CRPPA: variants seen among roughly 807,000 people sequenced by gnomAD.
CRPPA encodes CDP-L-ribitol pyrophosphorylase A, also known as D-ribitol-5-phosphate cytidylyltransferase.
A neutral mutation model predicts 52.0 loss-of-function variants in CRPPA; 43 were observed. The observed-to-expected ratio is 0.83, with a 90% CI of 0.65 to 1.07. The LOEUF is 1.07. Among genes scored for constraint, CRPPA ranks in the 50% least tolerant of loss-of-function variants. The pLI is 0.00. For synonymous variants in CRPPA, 250 were observed against 203.5 expected, an observed-to-expected ratio of 1.23 and a Z score of -1.94; for missense variants, 629 against 551.7, an observed-to-expected ratio of 1.14 and a Z score of -1.40.
chr7:16,398,971 C>G (rs1486645009), intron 2 of CRPPA, among the ~76,000 whole-genome samples: 1 of 152,222 alleles, frequency 6.6e-6, no homozygotes, highest in Non-Finnish European at 1.5e-5. Context: ...TGACACCTGA[C>G]CAGCCCATGG....
intron 2 of CRPPA, among the ~76,000 whole-genome samples, chr7:16,392,986 A>G (rs1235321376): frequency 6.6e-6 from 1 of 152,184 alleles, no homozygotes; most frequent in Admixed American, 6.6e-5. Context: ...ATAAAGAAAC[A>G]ATCTTGTTTT....
chr7:16,156,320 G>A (rs901476463), intron 9 of CRPPA, among the ~76,000 whole-genome samples: 8 of 152,148 alleles, frequency 5.3e-5, no homozygotes, highest in Non-Finnish European at 8.8e-5. Context: ...CTACTTTGCA[G>A]TCAATTTTTG....
intron 6 of CRPPA, chr7:16,269,986 C>A (rs762615288): frequency 6.6e-6 from 1 of 152,126 alleles, no homozygotes; most frequent in East Asian, 1.9e-4. Flanking sequence ...TAGTATACAA[C>A]ATTCTTCAAA....
chr7:16,224,125 T>C (rs1782590407), intron 8 of CRPPA, among the ~76,000 whole-genome samples: 1 of 152,200 alleles, frequency 6.6e-6, no homozygotes, highest in East Asian at 1.9e-4. Context: ...CATGGCTTTG[T>C]GGGTGGGCGA....
intron 9 of CRPPA, among the ~76,000 whole-genome samples, chr7:16,208,663 C>T (rs946964115): frequency 6.6e-6 from 1 of 152,116 alleles, no homozygotes; most frequent in Non-Finnish European, 1.5e-5. Context: ...AGAAGGCTAT[C>T]TTTGGCTAAT....
chr7:16,389,913 C>CAAAAAAAAAAAAAAAAAAAAAAA lies in CRPPA; in HGVS notation c.535-13673_535-13672insTTTTTTTTTTTTTTTTTTTTTTT, dbSNP rs1163092089. Reference sequence around the variant, plus strand: ...GGATACAGAGAACAAGCCTAGTATACAAAAAAAAAAAAAAAATATATATAT... The same window carrying CAAAAAAAAAAAAAAAAAAAAAAA: ...GGATACAGAGAACAAGCCTAGTATACAAAAAAAAAAAAAAAAAAAAAAAAAAAAAAAAAAAAAAATATATATAT... On this transcript the variant is annotated intron_variant, in intron 2 of 9. Transcript: ENST00000407010. Among the ~76,000 whole-genome samples, 9 of 34,306 alleles carry CAAAAAAAAAAAAAAAAAAAAAAA rather than the reference C, an allele frequency of 2.6e-4. 1 individual carries two copies. The highest frequency in any genetic ancestry group is 4.9e-4 in the Admixed American group (1 of 2,046). 22.5% of individuals were successfully genotyped at this position (34,306 alleles called of 152,430 possible).
intron 9 of CRPPA, among the ~76,000 whole-genome samples, chr7:16,093,600 A>G (rs1220595043): frequency 6.6e-6 from 1 of 152,156 alleles, no homozygotes; most frequent in African/African-American, 2.4e-5. Context: ...TTTATACGAC[A>G]TTTTAAAATT....
At chr7:16,167,669 C>G (rs1322444260) in intron 9 of CRPPA, among the ~76,000 whole-genome samples, 3 of 152,166 alleles carry the variant, frequency 2.0e-5, no homozygotes, top group Non-Finnish European at 4.4e-5. Context: ...GCCACTGACA[C>G]CTTGGAAAAA....
chr7:16,143,426 T>G (rs1489025914), intron 9 of CRPPA, among the ~76,000 whole-genome samples: 1 of 152,166 alleles, frequency 6.6e-6, no homozygotes, highest in Non-Finnish European at 1.5e-5. Flanking sequence ...AGAGATGTAT[T>G]TAAGCCAAGG....
At chr7:16,138,862 C>T (rs1434053374) in intron 9 of CRPPA, among the ~76,000 whole-genome samples, 2 of 152,140 alleles carry the variant, frequency 1.3e-5, no homozygotes, top group Non-Finnish European at 2.9e-5. Flanking sequence ...AGTGCAATGG[C>T]ACGATCTCGG....
intron 3 of CRPPA, among the ~76,000 whole-genome samples, chr7:16,351,540 C>T (rs992139333): frequency 2.6e-5 from 4 of 151,870 alleles, no homozygotes; most frequent in Admixed American, 6.6e-5. Context: ...CCAGAATATA[C>T]AAGGAACTTA....
rs1458702418 is a variant in CRPPA, at chr7:16,381,864, T to C, written c.535-5623A>G. Among the ~76,000 whole-genome samples, 137 of 152,174 alleles carry C rather than the reference T, an allele frequency of 9.0e-4. 1 individual carries two copies. Among genetic ancestry groups the C allele is most frequent in the African/African-American group, 3.3e-3 (135 of 41,434 alleles). The stretch of plus-strand genomic sequence containing the variant: ...GCTTGGTAAATCTTTCTCCATCCTT[T>C]TATTTTGAGCCTATGTGTGTCTCTG... On this transcript the variant is annotated intron_variant, in intron 2 of 9. Transcript: ENST00000407010.
At chr7:16,320,939 G>C (rs575961603) in intron 3 of CRPPA, among the ~76,000 whole-genome samples, 11 of 152,214 alleles carry the variant, frequency 7.2e-5, no homozygotes, top group Non-Finnish European at 1.3e-4. Flanking sequence ...TCCAGAAACA[G>C]TATGAATGAT....
At chr7:16,205,345 A>G (rs17169340) in intron 9 of CRPPA, among the ~76,000 whole-genome samples, 9,505 of 152,196 alleles carry the variant, frequency 0.062, 779 homozygotes, top group East Asian at 0.3. Flanking sequence ...GGTGTTCTCA[A>G]TTCATTAGAA....
At chr7:16,370,505 C>A (rs114118926) in intron 3 of CRPPA, among the ~76,000 whole-genome samples, 2,926 of 152,174 alleles carry the variant, frequency 0.019, 89 homozygotes, top group African/African-American at 0.067. Flanking sequence ...GGTGGCTAGA[C>A]CCAGAAGAGC....
At chr7:16,162,066 T>C (rs1348831434) in intron 9 of CRPPA, among the ~76,000 whole-genome samples, 1 of 152,166 alleles carries the variant, frequency 6.6e-6, no homozygotes, top group Non-Finnish European at 1.5e-5. Context: ...GTCTATTTGA[T>C]TCTTCTCTTT....
intron 9 of CRPPA, among the ~76,000 whole-genome samples, chr7:16,139,171 C>T (rs759160074): frequency 6.6e-5 from 10 of 152,076 alleles, no homozygotes; most frequent in Admixed American, 2.6e-4. Flanking sequence ...GAAGAGGCAG[C>T]GTGGAGTATT....
At chr7:16,291,178 T>G (rs1784556641) in intron 5 of CRPPA, among the ~76,000 whole-genome samples, 1 of 151,972 alleles carries the variant, frequency 6.6e-6, no homozygotes, top group African/African-American at 2.4e-5. Flanking sequence ...ACGCTGCTAG[T>G]GGAAATTTAA....
chr7:16,338,813 C>A (rs1054584194), intron 3 of CRPPA, among the ~76,000 whole-genome samples: 1 of 116,514 alleles, frequency 8.6e-6, no homozygotes, highest in Admixed American at 9.0e-5. Context: ...TTCTAGCAAA[C>A]TTTTTTTTTT....
Sources: allele counts gnomAD v4.1 joint callset (sites outside exome capture counted in the v4.1 genomes callset), GRCh38; gene constraint gnomAD v4.1.1; transcripts MANE v1.5; gene names NCBI Gene and HGNC (gene_info 2026-07-23, HGNC 2026-07-21).